The following PPP4R1 variants were observed in gnomAD, a reference collection of about 807,000 sequenced individuals.
The protein encoded by PPP4R1 is serine/threonine-protein phosphatase 4 regulatory subunit 1.
In PPP4R1, 42 loss-of-function variants were observed where a neutral mutation model predicts 111.2. The ratio of observed to expected loss-of-function variants is 0.38; its 90% CI spans 0.29 to 0.49. The LOEUF is 0.49. PPP4R1 is among the 20% of genes least tolerant of loss of function. PPP4R1 has a pLI of 0.97. For missense variants in PPP4R1, 1,012 were observed against 1,161.6 expected (o/e 0.87, Z 1.87); for synonymous variants, 409 against 405.5 (o/e 1.01, Z -0.10).
intron 19 of PPP4R1, among the ~76,000 whole-genome samples, chr18:9,548,808 C>A (rs1031550902): frequency 6.6e-6 from 1 of 152,172 alleles, no homozygotes; most frequent in Non-Finnish European, 1.5e-5. Context: ...ATCCCAGCTA[C>A]TGGGGAGGCT....
upstream of PPP4R1, chr18:9,614,605 C>T (rs1008046688): frequency 7.5e-6 from 4 of 533,412 alleles, no homozygotes; most frequent in Non-Finnish European, 9.5e-6. This position sits in a 1 kb window ranked among gnomAD's most constrained non-coding sequence, Gnocchi z 4.1. Context: ...GCCGGGCTGG[C>T]GGGGGCGCGC....
At position 9,581,440 on chromosome 18, in the gene PPP4R1, A is replaced by C. The variant is rs535738264; in HGVS notation, c.918+1677T>G. Among the ~76,000 whole-genome samples the C allele has an allele frequency of 6.6e-5, 10 of 152,324 alleles. No individual in the cohort carries two copies. The South Asian group carries it at 2.1e-3, about 32-fold the overall frequency. Reference sequence around the variant, plus strand: ...AAAGTGCAATGACTAAAATAAAGTCAGTACATGAGCTCAACAGTAGATCTG... The same window carrying C: ...AAAGTGCAATGACTAAAATAAAGTCCGTACATGAGCTCAACAGTAGATCTG... On this transcript the variant is annotated intron_variant, in intron 9 of 19. Coordinates refer to ENST00000400556, the MANE Select transcript of PPP4R1 (RefSeq NM_001042388.3).
chr18:9,597,361 G>A (rs533898030), intron 2 of PPP4R1, among the ~76,000 whole-genome samples: 2 of 152,294 alleles, frequency 1.3e-5, no homozygotes, highest in South Asian at 4.1e-4. Context: ...ATTCAGGGAG[G>A]CCAAGGCAGC....
chr18:9,607,070 T>C (rs1319831416), intron 2 of PPP4R1, among the ~76,000 whole-genome samples: 4 of 152,154 alleles, frequency 2.6e-5, no homozygotes, highest in African/African-American at 9.7e-5. Flanking sequence ...AAAAGTGATC[T>C]ACATCAGGCT....
intron 8 of PPP4R1, 55 bp downstream of exon 8, chr18:9,584,460 T>C: frequency 6.9e-6 from 10 of 1,457,934 alleles, no homozygotes; most frequent in Non-Finnish European, 9.3e-6. Flanking sequence ...ATTTCAAACT[T>C]TATGTACTAC....
intron 2 of PPP4R1, among the ~76,000 whole-genome samples, chr18:9,606,671 A>G (rs745974100): frequency 6.6e-6 from 1 of 151,896 alleles, no homozygotes; most frequent in Non-Finnish European, 1.5e-5. Flanking sequence ...ATGTATATTC[A>G]TATATGTATT....
upstream of PPP4R1, among the ~76,000 whole-genome samples, chr18:9,615,746 T>TC (rs2067680989): frequency 6.6e-6 from 1 of 152,182 alleles, no homozygotes; most frequent in Non-Finnish European, 1.5e-5. Context: ...GGAGAGGGAA[T>TC]TCTAAGTAGT....
At chr18:9,613,158 T>G (rs1174008504) in intron 2 of PPP4R1, among the ~76,000 whole-genome samples, 2 of 152,226 alleles carry the variant, frequency 1.3e-5, no homozygotes, top group African/African-American at 4.8e-5. Flanking sequence ...CCTACTATGG[T>G]TATCATCTCA....
intron 11 of PPP4R1, among the ~76,000 whole-genome samples, chr18:9,569,322 T>C (rs912520265): frequency 6.6e-6 from 1 of 152,236 alleles, no homozygotes; most frequent in Non-Finnish European, 1.5e-5. Context: ...TTATCAAAAG[T>C]TGACTATGCT....
chr18:9,577,799 G>C (rs2066962098), intron 9 of PPP4R1, among the ~76,000 whole-genome samples: 1 of 152,144 alleles, frequency 6.6e-6, no homozygotes, highest in African/African-American at 2.4e-5. Context: ...AACTAAAGAA[G>C]GTCCTGCTGT....
chr18:9,566,648 G>GACACACACACACACACAC (rs56772611), intron 11 of PPP4R1, among the ~76,000 whole-genome samples: 3 of 144,122 alleles, frequency 2.1e-5, no homozygotes, highest in Non-Finnish European at 3.0e-5. Context: ...GAGGCGCTGT[G>GACACACACACACACACAC]ACACACACAC....
intron 14 of PPP4R1, among the ~76,000 whole-genome samples, chr18:9,557,840 C>A (rs1169648387): frequency 5.9e-5 from 9 of 152,360 alleles, no homozygotes; most frequent in Middle Eastern, 3.4e-3. Context: ...CATGCTAGAA[C>A]ATGCCGACGT....
chr18:9,569,258 T>C (rs2066820693), intron 11 of PPP4R1, among the ~76,000 whole-genome samples: 1 of 151,600 alleles, frequency 6.6e-6, no homozygotes, highest in Non-Finnish European at 1.5e-5. Flanking sequence ...AAACTTAAGT[T>C]GGTAAATAAT....
At chr18:9,568,072 A>AGGCT (rs576014740) in intron 11 of PPP4R1, among the ~76,000 whole-genome samples, 206 of 152,330 alleles carry the variant, frequency 1.4e-3, no homozygotes, top group African/African-American at 4.8e-3. Flanking sequence ...TCTCTCACCC[A>AGGCT]GGCTGGAGTG....
At chr18:9,552,239 T>TTTC (rs1329479592) in intron 16 of PPP4R1, among the ~76,000 whole-genome samples, 1 of 152,220 alleles carries the variant, frequency 6.6e-6, no homozygotes. Context: ...TGCAACAGAC[T>TTTC]TGGATAGACA....
Position 9,577,189 on chromosome 18 carries a change from A to C in PPP4R1, c.921T>G (p.Val307=), listed in dbSNP as rs571372092. Reference sequence around the variant, plus strand: ...CCAGAGACTGAAAAGCTGCTTGGCGAACCTAGGAAGATAAAAAGGACAATA... The same window carrying C: ...CCAGAGACTGAAAAGCTGCTTGGCGCACCTAGGAAGATAAAAAGGACAATA... ...INLISDPSRW[V]RQAAFQSLGP... Residue 307 remains valine, a splice_region_variant and synonymous_variant, in exon 10 of 20, where the codon GTT becomes GTG. Transcript: ENST00000400556. 6.2e-7 allele frequency: 1 copy of C among 1,603,100 alleles called. No homozygotes were observed. The highest frequency in any genetic ancestry group is 1.3e-5 in the African/African-American group (1 of 74,342).
At chr18:9,563,698 G>A in intron 11 of PPP4R1, 148 bp from the exon 12 acceptor site, 9 of 627,458 alleles carry the variant, frequency 1.4e-5, no homozygotes, top group South Asian at 6.4e-5. Context: ...TTTCTACTGT[G>A]GTAAATCATT....
At chr18:9,549,740 T>G (rs988823789) in intron 18 of PPP4R1, 10 of 506,072 alleles carry the variant, frequency 2.0e-5, no homozygotes, top group African/African-American at 1.9e-4. Flanking sequence ...CTGTGAAATG[T>G]ACATATACAC....
intron 19 of PPP4R1, 130 bp downstream of exon 19, chr18:9,549,066 TA>T: frequency 1.7e-6 from 2 of 1,201,064 alleles, no homozygotes; most frequent in Non-Finnish European, 2.4e-6. Flanking sequence ...CCGGAACAAC[TA>T]AAGTATTTCC....
Sources: gnomAD v4.1 joint callset for allele counts (sites outside exome capture counted in the v4.1 genomes callset) on GRCh38, gnomAD v4.1.1 for gene constraint, Gnocchi (gnomAD v3.1) non-coding constraint, MANE v1.5 for transcripts, NCBI Gene and HGNC (gene_info 2026-07-23, HGNC 2026-07-21) for gene names.